The following GRIK1 variants were observed in gnomAD, a reference collection of about 807,000 sequenced individuals.
The protein encoded by GRIK1 is glutamate receptor ionotropic, kainate 1.
In GRIK1, 69 loss-of-function variants were observed where a neutral mutation model predicts 105.7. The observed-to-expected ratio is 0.65, with a 90% CI of 0.54 to 0.80. The LOEUF is 0.80. GRIK1 is among the 30% of genes least tolerant of loss of function. GRIK1 has a pLI of 0.00. For synonymous variants in GRIK1, 438 were observed against 431.3 expected (o/e 1.02, Z -0.19); for missense variants, 1,109 against 1,167.3 (o/e 0.95, Z 0.73).
At chr21:29,840,935 A>C (rs527881841) in intron 1 of GRIK1, among the ~76,000 whole-genome samples, 2 of 152,274 alleles carry the variant, frequency 1.3e-5, no homozygotes, top group South Asian at 4.1e-4. Context: ...TTGAAAAATA[A>C]ATGGAAATTA....
intron 1 of GRIK1, among the ~76,000 whole-genome samples, chr21:29,790,939 A>G (rs1481189134): frequency 1.3e-5 from 2 of 152,202 alleles, no homozygotes; most frequent in African/African-American, 4.8e-5. Flanking sequence ...TGGTGGTGGG[A>G]AAAAAGTAAA....
intron 7 of GRIK1, among the ~76,000 whole-genome samples, chr21:29,638,367 G>A (rs980667316): frequency 6.6e-6 from 1 of 152,018 alleles, no homozygotes; most frequent in Non-Finnish European, 1.5e-5. Context: ...AACAGCATGG[G>A]GGAAACGCCC....
chr21:29,871,851 C>T (rs1374076255), intron 1 of GRIK1, among the ~76,000 whole-genome samples: 1 of 146,988 alleles, frequency 6.8e-6, no homozygotes, highest in African/African-American at 2.5e-5. Context: ...GCAGCCTCAA[C>T]CTCCCAGGCT....
At chr21:29,791,804 C>T (rs192731792) in intron 1 of GRIK1, among the ~76,000 whole-genome samples, 12 of 152,226 alleles carry the variant, frequency 7.9e-5, no homozygotes, top group Admixed American at 2.6e-4. Flanking sequence ...ATGAAATTTG[C>T]ATATATTTGT....
At chr21:29,871,056 C>T (rs2248845) in intron 1 of GRIK1, among the ~76,000 whole-genome samples, 14,084 of 152,174 alleles carry the variant, frequency 0.093, 817 homozygotes, top group African/African-American at 0.16. Flanking sequence ...CCGGTCTGTC[C>T]TTCAGGGCTG....
chr21:29,851,562 G>C (rs540382997), intron 1 of GRIK1, among the ~76,000 whole-genome samples: 2 of 152,302 alleles, frequency 1.3e-5, no homozygotes, highest in South Asian at 4.1e-4. Flanking sequence ...GGAAATGCCA[G>C]AGTCTGAATG....
chr21:29,805,490 G>A (rs1569112996), intron 1 of GRIK1, among the ~76,000 whole-genome samples: 1 of 152,098 alleles, frequency 6.6e-6, no homozygotes, highest in Non-Finnish European at 1.5e-5. Flanking sequence ...ATCAAATGCA[G>A]TGTAATTTAC....
At chr21:29,618,075 T>C (rs1027244276) in intron 7 of GRIK1, among the ~76,000 whole-genome samples, 3 of 152,184 alleles carry the variant, frequency 2.0e-5, no homozygotes, top group Non-Finnish European at 2.9e-5. Flanking sequence ...TAATCTCTAA[T>C]TGTCCTTCAC....
rs2063548225 is a variant in GRIK1, at chr21:29,689,671, T to C, written c.544+57A>G. Reference sequence around the variant, plus strand: ...TGAGTTTAATGACTATTTGATACTTTCGTTCTGTTTGTTCAGAGCAGACAT... The same window carrying C: ...TGAGTTTAATGACTATTTGATACTTCCGTTCTGTTTGTTCAGAGCAGACAT... On this transcript the variant is annotated intron_variant, in intron 3 of 17. Transcript: ENST00000327783. 2.6e-6 allele frequency: 4 copies of C among 1,525,060 alleles called. No individual in the cohort carries two copies. The Admixed American group carries it at 5.0e-5, about 19-fold the overall frequency. 94.5% of individuals were successfully genotyped at this position (1,525,060 alleles called of 1,614,324 possible).
At chr21:29,559,719 A>G (rs892590534) in intron 15 of GRIK1, among the ~76,000 whole-genome samples, 10 of 152,260 alleles carry the variant, frequency 6.6e-5, no homozygotes, top group African/African-American at 2.4e-4. Flanking sequence ...ATTCATATTA[A>G]TTAAAAGTTG....
chr21:29,912,315 T>C (rs1053635024), intron 1 of GRIK1, among the ~76,000 whole-genome samples: 2 of 152,044 alleles, frequency 1.3e-5, no homozygotes, highest in African/African-American at 4.8e-5. Flanking sequence ...TGCCAGCCGC[T>C]AGATAACCTC....
At chr21:29,811,927 T>C (rs751962019) in intron 1 of GRIK1, among the ~76,000 whole-genome samples, 23 of 152,164 alleles carry the variant, frequency 1.5e-4, no homozygotes, top group Non-Finnish European at 2.6e-4. Flanking sequence ...TTCAGATGAC[T>C]TGTTTTCTTA....
At chr21:29,736,007 C>T (rs1234352495) in intron 1 of GRIK1, among the ~76,000 whole-genome samples, 1 of 151,928 alleles carries the variant, frequency 6.6e-6, no homozygotes, top group East Asian at 1.9e-4. Flanking sequence ...TTTTCCCTAG[C>T]ACGACCCCAA....
At chr21:29,589,765 C>T (rs1219054549) in intron 10 of GRIK1, among the ~76,000 whole-genome samples, 1 of 152,118 alleles carries the variant, frequency 6.6e-6, no homozygotes, top group African/African-American at 2.4e-5. Context: ...AAATCTACAT[C>T]ACCAACTATT....
At chr21:29,559,198 C>T (rs945459328) in intron 15 of GRIK1, among the ~76,000 whole-genome samples, 30 of 152,100 alleles carry the variant, frequency 2.0e-4, no homozygotes, top group African/African-American at 7.2e-4. Context: ...GCAAAGGTAC[C>T]TACTCTTGGT....
intron 1 of GRIK1, among the ~76,000 whole-genome samples, chr21:29,846,320 G>A (rs1268869842): frequency 6.7e-5 from 10 of 149,378 alleles, no homozygotes; most frequent in Admixed American, 2.7e-4. Flanking sequence ...GCCGGGAGGC[G>A]GAGGTTGCAG....
At chr21:29,841,669 G>T (rs1569150229) in intron 1 of GRIK1, among the ~76,000 whole-genome samples, 1 of 152,146 alleles carries the variant, frequency 6.6e-6, no homozygotes, top group Non-Finnish European at 1.5e-5. Flanking sequence ...TGACAAGTCA[G>T]GCTTCACTAT....
intron 7 of GRIK1, among the ~76,000 whole-genome samples, chr21:29,638,615 T>G (rs1185212881): frequency 6.6e-6 from 1 of 151,496 alleles, no homozygotes; most frequent in African/African-American, 2.4e-5. Context: ...CAAAGAAACA[T>G]AAATATTTAT....
chr21:29,774,446 C>CTTTTT (rs34378438), intron 1 of GRIK1, among the ~76,000 whole-genome samples: 4 of 102,432 alleles, frequency 3.9e-5, no homozygotes, highest in African/African-American at 6.8e-5. Context: ...TTATTTTGCT[C>CTTTTT]TTTTTTTTTT....
Sources: allele counts gnomAD v4.1 joint callset (sites outside exome capture counted in the v4.1 genomes callset), GRCh38; gene constraint gnomAD v4.1.1; transcripts MANE v1.5; gene names NCBI Gene and HGNC (gene_info 2026-07-23, HGNC 2026-07-21).